Variants in PAQR5 observed in about 807,000 individuals in gnomAD.
PAQR5 encodes membrane progestin receptor gamma.
In PAQR5, 20 loss-of-function variants were observed where a neutral mutation model predicts 34.5. That is an observed-to-expected ratio of 0.58 (90% CI 0.41 to 0.84). PAQR5 has a LOEUF of 0.84. Ranked by LOEUF, PAQR5 falls within the 40% of genes least tolerant of loss-of-function variation. PAQR5 has a pLI of 0.00. For synonymous variants in PAQR5, 131 were observed against 155.6 expected, an observed-to-expected ratio of 0.84 and a Z score of 1.18; for missense variants, 378 against 412.7, an observed-to-expected ratio of 0.92 and a Z score of 0.73.
intron 3 of PAQR5, among the ~76,000 whole-genome samples, chr15:69,376,448 A>G (rs111427827): frequency 2.1e-3 from 322 of 152,314 alleles, no homozygotes; most frequent in Admixed American, 5.7e-3. Flanking sequence ...TCCTGTGCTC[A>G]CAGGAGCTCA....
At chr15:69,350,119 T>C (rs575294297) in intron 2 of PAQR5, among the ~76,000 whole-genome samples, 1 of 152,372 alleles carries the variant, frequency 6.6e-6, no homozygotes, top group South Asian at 2.1e-4. Context: ...GCAGTGGGAA[T>C]AACTGGATCC....
intron 6 of PAQR5, among the ~76,000 whole-genome samples, chr15:69,393,587 C>G (rs1369873832): frequency 2.0e-5 from 3 of 152,152 alleles, no homozygotes; most frequent in African/African-American, 7.2e-5. Flanking sequence ...CAGCTGTCTT[C>G]CTCCCCCAGG....
At chr15:69,299,260 C>T (rs1328205045) in intron 1 of PAQR5, among the ~76,000 whole-genome samples, 1 of 152,158 alleles carries the variant, frequency 6.6e-6, no homozygotes, top group Non-Finnish European at 1.5e-5. Flanking sequence ...TCACCGCACG[C>T]GGGGCCGGTG....
chr15:69,377,870 C>T (rs1439837024), intron 3 of PAQR5, among the ~76,000 whole-genome samples: 2 of 152,150 alleles, frequency 1.3e-5, no homozygotes, highest in South Asian at 4.1e-4. Context: ...GCTCACACCT[C>T]TAATCCCGGC....
intron 5 of PAQR5, among the ~76,000 whole-genome samples, chr15:69,386,532 T>G (rs949750808): frequency 6.6e-6 from 1 of 151,938 alleles, no homozygotes; most frequent in East Asian, 1.9e-4. Context: ...TCAGGCCTCC[T>G]CAATGCCCCT....
At chr15:69,400,280 T>G (rs1567044876) in intron 8 of PAQR5, among the ~76,000 whole-genome samples, 165 bp downstream of exon 8, 1 of 152,182 alleles carries the variant, frequency 6.6e-6, no homozygotes, top group Non-Finnish European at 1.5e-5. Context: ...CTGCAGCAGG[T>G]GCATTGTTAG....
chr15:69,378,666 C>A (rs955468692), intron 3 of PAQR5, among the ~76,000 whole-genome samples: 1 of 152,016 alleles, frequency 6.6e-6, no homozygotes, highest in Admixed American at 6.6e-5. Flanking sequence ...CTAATATTAT[C>A]ATTGTTATTA....
At chr15:69,357,886 G>A (rs1236398230) in intron 2 of PAQR5, among the ~76,000 whole-genome samples, 1 of 152,146 alleles carries the variant, frequency 6.6e-6, no homozygotes, top group Non-Finnish European at 1.5e-5. Flanking sequence ...GCCCAGGGTG[G>A]ACCATGCATA....
intron 4 of PAQR5, among the ~76,000 whole-genome samples, chr15:69,381,979 C>T (rs752413353): frequency 1.9e-4 from 29 of 152,114 alleles, no homozygotes; most frequent in Non-Finnish European, 3.1e-4. Flanking sequence ...GGACCTCATG[C>T]GTGGATTGTA....
rs1416240102 is a variant in PAQR5 at position 69,407,768 on chromosome 15, G to A, written c.*3946G>A. The A allele has an allele frequency of 6.6e-6, 1 of 152,204 alleles. No individual in the cohort carries two copies. Among genetic ancestry groups the A allele is most frequent in the African/African-American group, 2.4e-5 (1 of 41,434 alleles). The allele number at this position is 152,204 out of a possible 1,614,324, so 9.4% of individuals were successfully genotyped here. A position where few individuals can be genotyped will look rare whatever the true frequency, so the allele number is the denominator to read the frequency against. ...GTAAATCATTCAATGAATAGTTAGTGCTTAGGATGTATAGAATGGCCACTG... is the reference window on the plus strand; with the variant it reads ...GTAAATCATTCAATGAATAGTTAGTACTTAGGATGTATAGAATGGCCACTG... On this transcript the variant is annotated 3_prime_UTR_variant, in exon 9 of 9. Coordinates refer to ENST00000395407, the MANE Select transcript of PAQR5 (RefSeq NM_017705.4).
At chr15:69,319,804 G>A (rs2054051805) in intron 1 of PAQR5, among the ~76,000 whole-genome samples, 1 of 152,200 alleles carries the variant, frequency 6.6e-6, no homozygotes, top group Non-Finnish European at 1.5e-5. Flanking sequence ...TCTCCTGGAA[G>A]CTCTTGTCTG....
At chr15:69,390,393 A>G (rs1319105442) in intron 6 of PAQR5, among the ~76,000 whole-genome samples, 8 of 143,810 alleles carry the variant, frequency 5.6e-5, no homozygotes, top group Non-Finnish European at 1.2e-4. Flanking sequence ...TCTGTGGCCC[A>G]GGCTGGAATG....
At chr15:69,382,413 G>A (rs2055910296) in intron 4 of PAQR5, among the ~76,000 whole-genome samples, 2 of 152,028 alleles carry the variant, frequency 1.3e-5, no homozygotes, top group Admixed American at 6.5e-5. Context: ...CTGGGAGGCT[G>A]AGGCAGGCAG....
At chr15:69,314,475 C>G (rs1047780735) in intron 1 of PAQR5, 2 of 152,334 alleles carry the variant, frequency 1.3e-5, no homozygotes, top group African/African-American at 4.8e-5. Flanking sequence ...CCCAACATCT[C>G]TGGGCCTTGG....
chr15:69,323,531 A>G lies in PAQR5; in HGVS notation c.-276-13810A>G, dbSNP rs559883874. 5.8e-4 allele frequency among the ~76,000 whole-genome samples: 88 copies of G among 152,366 alleles called. 2 individuals carry two copies. Among genetic ancestry groups the G allele is most frequent in the Non-Finnish European group, 8.2e-4 (56 of 68,034 alleles). On this transcript the variant is annotated intron_variant, in intron 1 of 8. Transcript: ENST00000395407. ...CTGTGACCTTCTCAGGTGAATGTAC[A>G]AGCAAATGCCAGCATTTGCAACCCA...
At chr15:69,377,910 T>C (rs1387627017) in intron 3 of PAQR5, among the ~76,000 whole-genome samples, 1 of 152,142 alleles carries the variant, frequency 6.6e-6, no homozygotes, top group East Asian at 1.9e-4. Flanking sequence ...GGAGAATCAC[T>C]TGAGCCCAGG....
At chr15:69,390,340 A>ATTTTTTT (rs1450802023) in intron 6 of PAQR5, among the ~76,000 whole-genome samples, 3 of 99,450 alleles carry the variant, frequency 3.0e-5, no homozygotes, top group Admixed American at 2.3e-4. Flanking sequence ...TTATTTATTT[A>ATTTTTTT]TTTATTTATT....
intron 1 of PAQR5, among the ~76,000 whole-genome samples, chr15:69,319,170 TATATATATATATATATATATA>T (rs1566995787): frequency 0.54 from 72,489 of 135,006 alleles, 21,378 homozygotes; most frequent in Middle Eastern, 0.64. Context: ...TATATATATA[TATATATATATATATATATATA>T]TATATATATA....
chr15:69,325,718 A>T lies in PAQR5; in HGVS notation c.-276-11623A>T, dbSNP rs144294392. ...CTACATTAACCCAAGCAGCCTACCA[A>T]GTTCGCTGCCTCTCACCTGGCTGGT... On this transcript the variant is annotated intron_variant, in intron 1 of 8. Coordinates refer to ENST00000395407, the MANE Select transcript of PAQR5 (RefSeq NM_017705.4). Among the ~76,000 whole-genome samples, 453 of 152,256 alleles carry T rather than the reference A, an allele frequency of 3.0e-3. 2 individuals are homozygous for T. The highest frequency in any genetic ancestry group is 8.6e-3 in the African/African-American group (357 of 41,544).
Sources: gnomAD v4.1 joint callset for allele counts (sites outside exome capture counted in the v4.1 genomes callset) on GRCh38, gnomAD v4.1.1 for gene constraint, MANE v1.5 for transcripts, NCBI Gene and HGNC (gene_info 2026-07-23, HGNC 2026-07-21) for gene names.